The following IGSF10 variants were observed in gnomAD, a reference collection of about 807,000 sequenced individuals.
The protein encoded by IGSF10 is immunoglobulin superfamily member 10.
IGSF10 carries 126 observed loss-of-function variants against 128.2 expected under a neutral mutation model. The ratio of observed to expected loss-of-function variants is 0.98; its 90% CI spans 0.85 to 1.14. The LOEUF is 1.14. Among genes scored for constraint, IGSF10 ranks in the 50% most tolerant of loss-of-function variants. IGSF10 has a pLI of 0.00. For synonymous variants in IGSF10, 1,185 were observed against 1,146.2 expected (o/e 1.03, Z -0.68); for missense variants, 3,295 against 3,149.8 (o/e 1.05, Z -1.10).
chr3:151,607,877 C>T, the IGSF10 span, among the ~76,000 whole-genome samples: 653 of 123,316 alleles, frequency 5.3e-3, 5 homozygotes, highest in Middle Eastern at 0.035. Context: ...CGCCACTGCA[C>T]TCCAGCCTGG....
chr3:151,556,443 A>G, the IGSF10 span, among the ~76,000 whole-genome samples: 1 of 152,162 alleles, frequency 6.6e-6, no homozygotes, highest in South Asian at 2.1e-4. Flanking sequence ...GGAAAAGGTT[A>G]TGTTATGGAA....
At chr3:151,520,807 A>T in the IGSF10 span, among the ~76,000 whole-genome samples, 1 of 151,930 alleles carries the variant, frequency 6.6e-6, no homozygotes, top group Non-Finnish European at 1.5e-5. Flanking sequence ...GTCCCTATAA[A>T]GCAACCACAT....
At chr3:151,509,805 C>CA in the IGSF10 span, among the ~76,000 whole-genome samples, 1 of 152,220 alleles carries the variant, frequency 6.6e-6, no homozygotes, top group African/African-American at 2.4e-5. Context: ...ATGGGCTTAT[C>CA]AAACGGCACA....
chr3:151,467,675 G>A, the IGSF10 span, among the ~76,000 whole-genome samples: 3 of 152,000 alleles, frequency 2.0e-5, 1 homozygote, highest in South Asian at 6.2e-4. Flanking sequence ...ACGAGGTCAG[G>A]AGATCGAGAC....
the IGSF10 span, among the ~76,000 whole-genome samples, chr3:151,518,632 C>T: frequency 6.6e-6 from 1 of 151,892 alleles, no homozygotes; most frequent in Non-Finnish European, 1.5e-5. Context: ...TGATTTCTCA[C>T]CAATTGTATT....
At chr3:151,588,642 A>G in the IGSF10 span, among the ~76,000 whole-genome samples, 1 of 152,236 alleles carries the variant, frequency 6.6e-6, no homozygotes, top group Middle Eastern at 3.2e-3. Context: ...TAAGTAGATC[A>G]TCTTTGCATT....
At chr3:151,607,115 T>C in the IGSF10 span, among the ~76,000 whole-genome samples, 40 of 152,286 alleles carry the variant, frequency 2.6e-4, no homozygotes, top group Non-Finnish European at 5.4e-4. Flanking sequence ...CTAATATTCT[T>C]GAGCTTAAAG....
chr3:151,454,046 C>G (rs942755971), intron 4 of IGSF10, among the ~76,000 whole-genome samples: 2 of 135,550 alleles, frequency 1.5e-5, no homozygotes, highest in African/African-American at 5.6e-5. Flanking sequence ...GAGACAGCGT[C>G]TTGCTCTGTC....
chr3:151,550,992 A>T, the IGSF10 span, among the ~76,000 whole-genome samples: 2 of 152,100 alleles, frequency 1.3e-5, no homozygotes, highest in African/African-American at 4.8e-5. Flanking sequence ...TAATGGACTT[A>T]CCTGGGCCAG....
chr3:151,569,869 G>A, the IGSF10 span, among the ~76,000 whole-genome samples: 5 of 151,978 alleles, frequency 3.3e-5, no homozygotes, highest in Non-Finnish European at 7.4e-5. Context: ...TTCTCCTAAT[G>A]CTATCCCTCC....
chr3:151,458,647 G>A lies in IGSF10; in HGVS notation c.63C>T (p.Val21=), dbSNP rs141824930. The change falls in exon 3 of 8, where the codon GTC becomes GTT. Residue 21 remains valine (V), a synonymous_variant. Transcript: ENST00000282466. ...GACAGGCCTTGCCCCCAGGGGTGGC[G>A]ACCAGGCAGATCACAGCAAAGGAGA... ...LLVSFAVICL[V]ATPGGKACPR... 16 of 1,614,106 alleles carry A rather than the reference G, an allele frequency of 9.9e-6. No individual in the cohort carries two copies. The highest frequency in any genetic ancestry group is 3.3e-5 in the Admixed American group (2 of 60,020).
chr3:151,508,569 T>C, the IGSF10 span, among the ~76,000 whole-genome samples: 1 of 152,190 alleles, frequency 6.6e-6, no homozygotes, highest in Admixed American at 6.5e-5. Context: ...ATCTTCTAAT[T>C]AGTACTCTGG....
At position 151,446,266 on chromosome 3, in the gene IGSF10, A is replaced by T. The variant is rs981968187; in HGVS notation, c.3715T>A (p.Ser1239Thr). The T allele has an allele frequency of 1.9e-6, 3 of 1,613,960 alleles. No individual in the cohort carries two copies. The highest frequency in any genetic ancestry group is 8.5e-7 in the Non-Finnish European group (1 of 1,179,854). The change falls in exon 6 of 8, where the codon TCT becomes ACT. Residue 1239 changes from serine to threonine, a missense_variant. Ser to Thr is a moderately conservative substitution (Grantham distance 58). Coordinates refer to ENST00000282466, the MANE Select transcript of IGSF10 (RefSeq NM_178822.5). ...ACTTTGTCTCTGGGTAAAGCAGGAG[A>T]TGTTTTAGGAAGCATCACAGCTGTG... ...KSTAVMLPKT[S>T]PALPRDKVSP... is the part of the protein sequence containing the mutation.
chr3:151,504,587 C>A, the IGSF10 span, among the ~76,000 whole-genome samples: 1 of 152,170 alleles, frequency 6.6e-6, no homozygotes, highest in Non-Finnish European at 1.5e-5. Context: ...CATTTCCAAT[C>A]AATTTCCCAC....
At chr3:151,455,537 ATTCTAAACATT>A (rs1193860544) in intron 4 of IGSF10, among the ~76,000 whole-genome samples, 1 of 152,194 alleles carries the variant, frequency 6.6e-6, no homozygotes, top group Non-Finnish European at 1.5e-5. Context: ...GGATTTGCCT[ATTCTAAACATT>A]TTATATAAAT....
chr3:151,540,067 A>T, the IGSF10 span, among the ~76,000 whole-genome samples: 1 of 152,182 alleles, frequency 6.6e-6, no homozygotes, highest in Non-Finnish European at 1.5e-5. Flanking sequence ...TTCTAAATCG[A>T]TGAACAAATC....
the IGSF10 span, among the ~76,000 whole-genome samples, chr3:151,527,010 G>A: frequency 6.6e-6 from 1 of 152,034 alleles, no homozygotes; most frequent in African/African-American, 2.4e-5. Context: ...TTTGCTTTTT[G>A]TTGACCTAAC....
At chr3:151,519,483 T>C in the IGSF10 span, among the ~76,000 whole-genome samples, 1 of 151,802 alleles carries the variant, frequency 6.6e-6, no homozygotes, top group Non-Finnish European at 1.5e-5. Flanking sequence ...GGGGGATATA[T>C]TTTATTTAGG....
At chr3:151,609,031 A>G in the IGSF10 span, among the ~76,000 whole-genome samples, 13 of 152,204 alleles carry the variant, frequency 8.5e-5, no homozygotes, top group Admixed American at 5.9e-4. Context: ...TTAGCTTCCT[A>G]GGACATTCTG....
Sources: gnomAD v4.1 joint callset for allele counts (sites outside exome capture counted in the v4.1 genomes callset) on GRCh38, gnomAD v4.1.1 for gene constraint, MANE v1.5 for transcripts, NCBI Gene and HGNC (gene_info 2026-07-23, HGNC 2026-07-21) for gene names.